The following FAM13B variants were observed in gnomAD, a reference collection of about 807,000 sequenced individuals.
FAM13B encodes family with sequence similarity 13 member B.
FAM13B carries 60 observed loss-of-function variants against 117.3 expected under a neutral mutation model. The ratio of observed to expected loss-of-function variants is 0.51; its 90% CI spans 0.42 to 0.63. The LOEUF is 0.63. Ranked by LOEUF, FAM13B falls within the 30% of genes least tolerant of loss-of-function variation. The probability of loss-of-function intolerance (pLI) is 0.00; values close to 1 mark genes in which losing one functional copy is unlikely to be tolerated. For missense variants in FAM13B, 972 were observed against 1,091.9 expected (o/e 0.89, Z 1.55); for synonymous variants, 332 against 356.1 (o/e 0.93, Z 0.76).
chr5:138,033,699 A>G (rs975538080), upstream of FAM13B: 2 of 152,534 alleles, frequency 1.3e-5, no homozygotes, highest in Admixed American at 6.5e-5. Flanking sequence ...GCAGAGCTGA[A>G]AGGAGGCAGA....
At position 137,940,033 on chromosome 5, in the gene FAM13B, A is replaced by G; in HGVS notation, c.*192T>C. 1 of 1,612,904 alleles carries G rather than the reference A, an allele frequency of 6.2e-7. No homozygotes were observed. Among genetic ancestry groups the G allele is most frequent in the South Asian group, 1.1e-5 (1 of 90,852 alleles). On this transcript the variant is annotated 3_prime_UTR_variant, in exon 24 of 24. Transcript: ENST00000689681. ...GGACAGTCTGTGGTTAATATGGAAC[A>G]TCACTTACGCTCCCTTGAGAGGGCC...
Position 137,941,968 on chromosome 5 carries a change from T to C in FAM13B, c.2666A>G (p.Glu889Gly), listed in dbSNP as rs774725373. Reference sequence around the variant, plus strand: ...CCTTCCATTTTGTTGATAAAATGCTTCTTCAAATTCCCGCAACGTTTTGCG... The same window carrying C: ...CCTTCCATTTTGTTGATAAAATGCTCCTTCAAATTCCCGCAACGTTTTGCG... ...KLRKTLREFEEAFYQQNGRNA... is the reference protein window; with the variant it reads ...KLRKTLREFEGAFYQQNGRNA... The change falls in exon 23 of 24, where the codon GAA becomes GGA. Residue 889 changes from glutamate to glycine, a missense_variant. Coordinates refer to ENST00000689681, the MANE Select transcript of FAM13B (RefSeq NM_001385994.1). 3.7e-6 allele frequency: 6 copies of C among 1,614,070 alleles called. No homozygotes were observed. Among genetic ancestry groups the C allele is most frequent in the Admixed American group, 3.3e-5 (2 of 59,994 alleles).
At chr5:138,013,501 C>A (rs1442670298) in intron 4 of FAM13B, among the ~76,000 whole-genome samples, 131 of 137,492 alleles carry the variant, frequency 9.5e-4, no homozygotes, top group South Asian at 2.1e-3. Flanking sequence ...ACTCCATCTC[C>A]AAAAAAAAAA....
chr5:138,019,202 A>G, intron 2 of FAM13B, 56 bp from the exon 3 acceptor site: 1 of 1,479,188 alleles, frequency 6.8e-7, no homozygotes, highest in Admixed American at 2.1e-5. Flanking sequence ...TGGCAATATG[A>G]CTAGATACAT....
intron 9 of FAM13B, 130 bp downstream of exon 9, chr5:137,987,331 A>G (rs568481334): frequency 2.6e-6 from 2 of 755,964 alleles, no homozygotes; most frequent in Non-Finnish European, 4.2e-6. Context: ...GTATATATAC[A>G]AAGTCACTTT....
At chr5:137,984,866 T>A (rs1386539487) in intron 10 of FAM13B, among the ~76,000 whole-genome samples, 1 of 152,088 alleles carries the variant, frequency 6.6e-6, no homozygotes, top group Non-Finnish European at 1.5e-5. Context: ...CCTCCTGGGT[T>A]CATGCCTTTC....
chr5:138,000,629 C>T (rs2150761066), intron 7 of FAM13B, among the ~76,000 whole-genome samples: 1 of 152,094 alleles, frequency 6.6e-6, no homozygotes, highest in Non-Finnish European at 1.5e-5. Flanking sequence ...ATTTTAGCTA[C>T]AAACAGAAGC....
intron 7 of FAM13B, among the ~76,000 whole-genome samples, chr5:137,998,805 C>A (rs1376338189): frequency 6.6e-6 from 1 of 152,160 alleles, no homozygotes; most frequent in East Asian, 1.9e-4. Flanking sequence ...ACCAATATAC[C>A]ATATCCCATC....
At chr5:137,949,873 G>C (rs968925527) in intron 17 of FAM13B, among the ~76,000 whole-genome samples, 1 of 151,568 alleles carries the variant, frequency 6.6e-6, no homozygotes, top group African/African-American at 2.4e-5. Flanking sequence ...GGGGTGGGAA[G>C]ACCACATTGA....
chr5:137,971,717 A>G (rs1429349965), intron 10 of FAM13B, among the ~76,000 whole-genome samples: 1 of 149,172 alleles, frequency 6.7e-6, no homozygotes, highest in Non-Finnish European at 1.5e-5. Flanking sequence ...ACCGCTAGCA[A>G]GACTAATAAA....
intron 2 of FAM13B, 40 bp downstream of exon 2, chr5:138,020,991 A>G (rs1786584265): frequency 8.2e-7 from 1 of 1,220,364 alleles, no homozygotes. Flanking sequence ...ATCTCTATGG[A>G]TTTATAGAGC....
chr5:137,969,362 C>G (rs1771256500), intron 10 of FAM13B, among the ~76,000 whole-genome samples: 1 of 152,206 alleles, frequency 6.6e-6, no homozygotes. Context: ...TGACACCTCA[C>G]ACGGCCGGGT....
intron 20 of FAM13B, among the ~76,000 whole-genome samples, chr5:137,944,524 T>G (rs1386859480): frequency 6.6e-6 from 1 of 151,982 alleles, no homozygotes; most frequent in Non-Finnish European, 1.5e-5. Context: ...TCCCAGCACT[T>G]TGGAAGGCCG....
chr5:138,030,722 CA>C (rs1202168169), intron 1 of FAM13B, among the ~76,000 whole-genome samples: 40 of 131,922 alleles, frequency 3.0e-4, no homozygotes, highest in Admixed American at 6.8e-4. Context: ...CCCCCCCCCC[CA>C]AAAAAAAAAA....
rs1348208050 is a variant in FAM13B, at chr5:137,987,519, C to T, written c.988G>A (p.Val330Met). 1 of 1,613,554 alleles carries T rather than the reference C, an allele frequency of 6.2e-7. No individual in the cohort carries two copies. The highest frequency in any genetic ancestry group is 1.1e-5 in the South Asian group (1 of 91,030). Residue 330 changes from valine (V) to methionine (M), a missense_variant, in exon 9 of 24, where the codon GTG (valine) becomes ATG (methionine). Coordinates refer to ENST00000689681, the MANE Select transcript of FAM13B (RefSeq NM_001385994.1). ...CTTTCTGCTTCATTATTACACACCA[C>T]ACTTTGCTGTTGTAAATTCTTAAGA... ...HDLKNLQQQS[V>M]VCNNEAESIH...
At chr5:137,972,262 C>G (rs1268730234) in intron 10 of FAM13B, among the ~76,000 whole-genome samples, 2 of 148,844 alleles carry the variant, frequency 1.3e-5, no homozygotes, top group African/African-American at 2.4e-5. Flanking sequence ...AGCTTATCCA[C>G]CATGATCAAG....
intron 1 of FAM13B, among the ~76,000 whole-genome samples, chr5:138,030,410 C>CT (rs59704298): frequency 0.047 from 6,339 of 135,426 alleles, 219 homozygotes; most frequent in South Asian, 0.083. Context: ...CCATGCCTGG[C>CT]TTTTTTTTTT....
intron 22 of FAM13B, 150 bp downstream of exon 22, chr5:137,942,725 T>C (rs1762221780): frequency 4.8e-6 from 3 of 621,030 alleles, no homozygotes; most frequent in Non-Finnish European, 7.8e-6. Flanking sequence ...TGACAATAAA[T>C]ATTTGCAAAT....
At chr5:138,003,191 A>T (rs1388051157) in intron 7 of FAM13B, among the ~76,000 whole-genome samples, 3 of 152,170 alleles carry the variant, frequency 2.0e-5, no homozygotes, top group African/African-American at 4.8e-5. Flanking sequence ...ATTTATAAAA[A>T]TTTTTTAATA....
Sources: allele counts gnomAD v4.1 joint callset (sites outside exome capture counted in the v4.1 genomes callset), GRCh38; gene constraint gnomAD v4.1.1; transcripts MANE v1.5; gene names NCBI Gene and HGNC (gene_info 2026-07-23, HGNC 2026-07-21).